The following MDK variants were observed in gnomAD, a reference collection of about 807,000 sequenced individuals.
MDK encodes the protein amphiregulin-associated protein.
In MDK, 17 loss-of-function variants were observed where a neutral mutation model predicts 18.9. The ratio of observed to expected loss-of-function variants is 0.90; its 90% CI spans 0.62 to 1.35. The LOEUF (loss-of-function observed/expected upper bound fraction) is 1.35, where lower values mean the gene tolerates loss of function less well. MDK is among the 40% of genes most tolerant of loss of function. The pLI is 0.00. For synonymous variants in MDK, 86 were observed against 74.3 expected, an observed-to-expected ratio of 1.16 and a Z score of -0.81; for missense variants, 180 against 186.3, an observed-to-expected ratio of 0.97 and a Z score of 0.20.
At chr11:46,382,009 G>A (rs1381138366) in intron 1 of MDK, 48 bp from the exon 2 acceptor site, 1 of 1,542,738 alleles carries the variant, frequency 6.5e-7, no homozygotes, top group Admixed American at 1.9e-5. Flanking sequence ...GCGGCCCCCG[G>A]TGGGGAAGGG....
Position 46,382,042 on chromosome 11 carries a change from G to C in MDK, c.-1-15G>C, listed in dbSNP as rs770045155. The C allele has an allele frequency of 2.5e-5, 40 of 1,597,864 alleles. 1 individual carries two copies. Among genetic ancestry groups the C allele is most frequent in the Admixed American group, 1.5e-4 (9 of 58,112 alleles). On this transcript the variant is annotated splice_polypyrimidine_tract_variant and intron_variant, in intron 1 of 4. Coordinates refer to ENST00000395566, the MANE Select transcript of MDK (RefSeq NM_002391.6). ...GGGGACGGGCCAGGGATTCAGACTC[G>C]GGCTCTCCCCTCAGGATGCAGCACC...
intron 4 of MDK, chr11:46,383,187 T>G: frequency 2.3e-6 from 1 of 430,038 alleles, no homozygotes; most frequent in African/African-American, 2.0e-5. Flanking sequence ...ATCTGCCCGC[T>G]TCTCAGGTGA....
chr11:46,382,790 G>GGGGGGGGGCCC, intron 4 of MDK, 42 bp downstream of exon 4: 54 of 986,982 alleles, frequency 5.5e-5, no homozygotes, highest in East Asian at 1.5e-4. Context: ...GCGGGGGGCT[G>GGGGGGGGGCCC]CCCCCCCCCC....
intron 1 of MDK, 93 bp from the exon 2 acceptor site, chr11:46,381,964 A>G: frequency 2.2e-6 from 3 of 1,364,340 alleles, no homozygotes; most frequent in Non-Finnish European, 3.0e-6. Context: ...TGGGGCCTGG[A>G]AAGTGGAGCA....
chr11:46,382,873 G>A, intron 4 of MDK, 125 bp downstream of exon 4: 1 of 1,090,160 alleles, frequency 9.2e-7, no homozygotes, highest in Non-Finnish European at 1.3e-6. Flanking sequence ...TCCTGACATC[G>A]CCTCACTTGG....
chr11:46,383,803 A>G (rs1159247267), downstream of MDK: 1 of 456,474 alleles, frequency 2.2e-6, no homozygotes, highest in Non-Finnish European at 4.1e-6. Context: ...TCCCCCCAAT[A>G]AAAGCTCTTC....
At chr11:46,382,823 T>G in intron 4 of MDK, 75 bp downstream of exon 4, 1 of 1,457,174 alleles carries the variant, frequency 6.9e-7, no homozygotes, top group Non-Finnish European at 9.2e-7. Context: ...AGGGGACAAT[T>G]CCAAGTTAAA....
intron 4 of MDK, 135 bp from the exon 5 acceptor site, chr11:46,383,334 G>A: frequency 3.1e-6 from 2 of 642,144 alleles, no homozygotes; most frequent in South Asian, 1.9e-5. Flanking sequence ...CCCTGCTTCC[G>A]AGTCAGCTGA....
At chr11:46,383,448 T>C (rs1427265031) in intron 4 of MDK, 21 bp from the exon 5 acceptor site, 2 of 1,576,180 alleles carry the variant, frequency 1.3e-6, no homozygotes, top group Admixed American at 3.7e-5. Flanking sequence ...ATGGTATTAA[T>C]ATTTCTTTCT....
chr11:46,382,982 A>G (rs1275436441), intron 4 of MDK: 1 of 585,388 alleles, frequency 1.7e-6, no homozygotes, highest in East Asian at 2.9e-5. Context: ...GGACCAACTC[A>G]AACTACTCCA....
At chr11:46,381,849 G>C (rs898044539) in intron 1 of MDK, 91 bp downstream of exon 1, 3 of 566,942 alleles carry the variant, frequency 5.3e-6, no homozygotes, top group African/African-American at 3.9e-5. Context: ...GCTGCGTCCT[G>C]GGCTCGAGGC....
At chr11:46,382,790 G>GGGGGGGGGGGGGGGGGGGGCC in intron 4 of MDK, 42 bp downstream of exon 4, 1 of 985,982 alleles carries the variant, frequency 1.0e-6, no homozygotes, top group Non-Finnish European at 1.3e-6. Flanking sequence ...GCGGGGGGCT[G>GGGGGGGGGGGGGGGGGGGGCC]CCCCCCCCCC....
At chr11:46,383,108 T>A in intron 4 of MDK, 1 of 423,304 alleles carries the variant, frequency 2.4e-6, no homozygotes, top group South Asian at 2.6e-5. Flanking sequence ...TGGGAGGAGG[T>A]CAAGGCCCAC....
chr11:46,382,802 CCCCG>C (rs1554963790), intron 4 of MDK, 54 bp downstream of exon 4: 1 of 1,511,698 alleles, frequency 6.6e-7, no homozygotes, highest in Non-Finnish European at 8.9e-7. Flanking sequence ...CCCCCCCCCC[CCCCG>C]CCTGTGAGGG....
chr11:46,382,540 C>T, intron 3 of MDK, 47 bp from the exon 4 acceptor site: 1 of 1,563,524 alleles, frequency 6.4e-7, no homozygotes, highest in Non-Finnish European at 8.7e-7. Context: ...TGGCGGAGGG[C>T]GGGGCCGCGG....
chr11:46,383,143 A>T (rs989492179), intron 4 of MDK: 4 of 410,980 alleles, frequency 9.7e-6, no homozygotes, highest in Non-Finnish European at 1.8e-5. Context: ...CTCACTCGTG[A>T]CTCAGCCCAG....
At chr11:46,383,828 A>C, downstream of MDK, 1 of 399,314 alleles carries the variant, frequency 2.5e-6, no homozygotes. Context: ...TTAATATATA[A>C]AAGCCCCTTC....
At chr11:46,381,804 G>T in intron 1 of MDK, 46 bp downstream of exon 1, 1 of 398,002 alleles carries the variant, frequency 2.5e-6, no homozygotes, top group African/African-American at 2.1e-5. Context: ...GGCCGATCTA[G>T]GGGCTGGGGG....
At chr11:46,382,236 G>T (rs1180919498) in intron 2 of MDK, 58 bp from the exon 3 acceptor site, 4 of 1,603,624 alleles carry the variant, frequency 2.5e-6, no homozygotes, top group East Asian at 2.2e-5. Context: ...CAGGAAGGCG[G>T]CTCCCGAGGG....
Sources: allele counts gnomAD v4.1 joint callset, GRCh38; gene constraint gnomAD v4.1.1; transcripts MANE v1.5; gene names NCBI Gene and HGNC (gene_info 2026-07-23, HGNC 2026-07-21).